Variants in LRRC17 observed in about 807,000 individuals in gnomAD.
LRRC17 encodes leucine-rich repeat-containing protein 17.
In LRRC17, 33 loss-of-function variants were observed where a neutral mutation model predicts 41.5. That is an observed-to-expected ratio of 0.80 (90% confidence interval 0.60 to 1.06). The LOEUF is 1.06. Among genes scored for constraint, LRRC17 ranks in the 50% least tolerant of loss-of-function variants. The probability of loss-of-function intolerance (pLI) is 0.00; values close to 1 mark genes in which losing one functional copy is unlikely to be tolerated. For missense variants in LRRC17, 491 were observed against 519.3 expected, an observed-to-expected ratio of 0.95 and a Z score of 0.53; for synonymous variants, 192 against 197.0, an observed-to-expected ratio of 0.97 and a Z score of 0.21.
rs762064197 is a variant in LRRC17 at position 102,926,341 on chromosome 7, G to A, written c.-140-7433G>A. On this transcript the variant is annotated intron_variant, in intron 1 of 3. Transcript: ENST00000339431. Reference sequence around the variant, plus strand: ...GACAGATTGAGACACAGGACCCCCGGGCAGCCCTCAGAAATGTGTCTCATT... The same window carrying A: ...GACAGATTGAGACACAGGACCCCCGAGCAGCCCTCAGAAATGTGTCTCATT... 5.0e-6 allele frequency: 8 copies of A among 1,613,744 alleles called. No individual in the cohort carries two copies. Among genetic ancestry groups the A allele is most frequent in the South Asian group, 4.4e-5 (4 of 91,022 alleles).
chr7:102,917,963 C>G (rs1816228379), intron 1 of LRRC17, among the ~76,000 whole-genome samples: 1 of 152,046 alleles, frequency 6.6e-6, no homozygotes, highest in Admixed American at 6.5e-5. Flanking sequence ...TGAACAAGTC[C>G]CCAAAGAAGT....
chr7:102,925,617 A>G (rs754401118), intron 1 of LRRC17, among the ~76,000 whole-genome samples: 2 of 152,110 alleles, frequency 1.3e-5, no homozygotes, highest in South Asian at 2.1e-4. Context: ...AAAAGTGCTC[A>G]AAGTTGGTAA....
rs547192006 is a variant in LRRC17 at position 102,937,884 on chromosome 7, T to G, written c.773-1546T>G. On this transcript the variant is annotated intron_variant, in intron 2 of 3. Coordinates refer to ENST00000339431, the MANE Select transcript of LRRC17 (RefSeq NM_001031692.3). Reference sequence around the variant, plus strand: ...ATATACATGGTCACACATAGAGAACTTGCATACAGATTCCCCAACTCGGAG... The same window carrying G: ...ATATACATGGTCACACATAGAGAACGTGCATACAGATTCCCCAACTCGGAG... Among the ~76,000 whole-genome samples, 8 of 152,314 alleles carry G rather than the reference T, an allele frequency of 5.3e-5. No individual in the cohort carries two copies. The South Asian group carries it at 1.4e-3, about 28-fold the overall frequency.
chr7:102,921,709 G>C (rs1167974531), intron 1 of LRRC17, among the ~76,000 whole-genome samples: 1 of 151,786 alleles, frequency 6.6e-6, no homozygotes, highest in East Asian at 1.9e-4. Context: ...AATAAAAGAA[G>C]CTCTGTTTTA....
chr7:102,914,714 C>A (rs529944889), intron 1 of LRRC17, among the ~76,000 whole-genome samples: 1 of 152,150 alleles, frequency 6.6e-6, no homozygotes, highest in Admixed American at 6.5e-5. Flanking sequence ...TTCGACAGAG[C>A]GAGGGGGAAG....
chr7:102,925,807 G>A (rs1818003425), intron 1 of LRRC17, among the ~76,000 whole-genome samples: 2 of 152,106 alleles, frequency 1.3e-5, no homozygotes, highest in Admixed American at 1.3e-4. Context: ...CAGGCGTGGT[G>A]GTGGGCACCT....
intron 1 of LRRC17, among the ~76,000 whole-genome samples, chr7:102,918,337 T>C (rs1033645544): frequency 6.6e-6 from 1 of 152,204 alleles, no homozygotes; most frequent in African/African-American, 2.4e-5. Flanking sequence ...AAATTCTTAT[T>C]TTGGGTCCTA....
intron 1 of LRRC17, among the ~76,000 whole-genome samples, chr7:102,917,789 C>T (rs145986555): frequency 1.4e-4 from 22 of 152,288 alleles, no homozygotes; most frequent in African/African-American, 5.3e-4. Flanking sequence ...AGACCAGAGG[C>T]AGCACCACCA....
chr7:102,937,204 T>C (rs1051703893), intron 2 of LRRC17, among the ~76,000 whole-genome samples: 1 of 152,122 alleles, frequency 6.6e-6, no homozygotes, highest in Non-Finnish European at 1.5e-5. Flanking sequence ...TTTTAGATTA[T>C]AAGACGAAGG....
chr7:102,943,804 T>C (rs1290110091), intron 3 of LRRC17, among the ~76,000 whole-genome samples: 1 of 152,218 alleles, frequency 6.6e-6, no homozygotes, highest in African/African-American at 2.4e-5. Context: ...GTAAATGGAG[T>C]GACCATCTGT....
intron 1 of LRRC17, chr7:102,913,359 A>C (rs1427343303): frequency 3.2e-6 from 3 of 933,394 alleles, no homozygotes; most frequent in Non-Finnish European, 4.8e-6. Context: ...TTAACTCTCT[A>C]CCTGTTAATT....
intron 1 of LRRC17, among the ~76,000 whole-genome samples, chr7:102,917,317 A>G (rs1488243869): frequency 6.6e-6 from 1 of 152,232 alleles, no homozygotes; most frequent in African/African-American, 2.4e-5. Context: ...CAATTCATCT[A>G]TATAAAAAAC....
At chr7:102,917,077 T>G (rs1298783000) in intron 1 of LRRC17, among the ~76,000 whole-genome samples, 1 of 152,138 alleles carries the variant, frequency 6.6e-6, no homozygotes, top group Non-Finnish European at 1.5e-5. Context: ...TGCATGTGGA[T>G]TCTTTTGAGT....
At position 102,918,455 on chromosome 7, in the gene LRRC17, A is replaced by G. The variant is rs4457267; in HGVS notation, c.-141+5310A>G. Among the ~76,000 whole-genome samples, 230 of 152,346 alleles carry G rather than the reference A, an allele frequency of 1.5e-3. 1 individual carries two copies. Among genetic ancestry groups the G allele is most frequent in the African/African-American group, 5.4e-3 (224 of 41,584 alleles). ...ACCTTCAATTTCTAAGGAGAAAAAA[A>G]GCCATTTCAATGTATGATTGAAAAT... On this transcript the variant is annotated intron_variant, in intron 1 of 3. Transcript: ENST00000339431.
In LRRC17 at chr7:102,925,603, G is replaced by A. The variant is rs116521045; in HGVS notation, c.-140-8171G>A. Among the ~76,000 whole-genome samples, 247 of 152,114 alleles carry A rather than the reference G, an allele frequency of 1.6e-3. 2 individuals are homozygous for A. The highest frequency in any genetic ancestry group is 5.5e-3 in the African/African-American group (230 of 41,524). Reference sequence around the variant, plus strand: ...GCCAGAGCATGGGAACAGGGATCTGGGACAAAAGTGCTCAAAGTTGGTAAT... The same window carrying A: ...GCCAGAGCATGGGAACAGGGATCTGAGACAAAAGTGCTCAAAGTTGGTAAT... On this transcript the variant is annotated intron_variant, in intron 1 of 3. Coordinates refer to ENST00000339431, the MANE Select transcript of LRRC17 (RefSeq NM_001031692.3).
At chr7:102,925,151 T>A (rs1314132090) in intron 1 of LRRC17, among the ~76,000 whole-genome samples, 1 of 152,178 alleles carries the variant, frequency 6.6e-6, no homozygotes, top group Non-Finnish European at 1.5e-5. Context: ...GCCAGCACTT[T>A]GGGAGGCCCA....
intron 2 of LRRC17, among the ~76,000 whole-genome samples, chr7:102,935,672 T>G (rs1013438486): frequency 6.6e-6 from 1 of 152,148 alleles, no homozygotes; most frequent in Non-Finnish European, 1.5e-5. Flanking sequence ...TAGTGAAGAT[T>G]GATGTTCTCA....
intron 2 of LRRC17, among the ~76,000 whole-genome samples, chr7:102,935,242 CTTTTTTTTTTTTTTTTT>C (rs71106700): frequency 2.6e-5 from 2 of 76,402 alleles, no homozygotes; most frequent in Non-Finnish European, 4.5e-5. Context: ...TTTTTTCTTT[CTTTTTTTTTTTTTTTTT>C]TTTTTTTTTT....
rs773745721 is a variant in LRRC17 at position 102,944,410 on chromosome 7, G to A, written c.1129G>A (p.Glu377Lys). ...HHYNVHFNGL[E>K]CKTPEEYKGW... is the part of the protein sequence containing the mutation. Reference sequence around the variant, plus strand: ...CTACAATGTCCATTTTAATGGCCTGGAATGCAAAACGCCTGAAGAATACAA... The same window carrying A: ...CTACAATGTCCATTTTAATGGCCTGAAATGCAAAACGCCTGAAGAATACAA... The change falls in exon 4 of 4, where the codon GAA becomes AAA. Residue 377 changes from glutamate to lysine, a missense_variant. By Grantham distance (56) the Glu-to-Lys change is moderately conservative. Coordinates refer to ENST00000339431, the MANE Select transcript of LRRC17 (RefSeq NM_001031692.3). 10 of 1,613,874 alleles carry A rather than the reference G, an allele frequency of 6.2e-6. No individual in the cohort carries two copies. In the South Asian group the frequency reaches 1.1e-4, roughly 18 times the overall value.
Sources: gnomAD v4.1 joint callset for allele counts (sites outside exome capture counted in the v4.1 genomes callset) on GRCh38, gnomAD v4.1.1 for gene constraint, MANE v1.5 for transcripts, NCBI Gene and HGNC (gene_info 2026-07-23, HGNC 2026-07-21) for gene names.